Variants in FSTL1 observed in about 807,000 individuals in gnomAD.
The protein encoded by FSTL1 is follistatin like 1, also known as follistatin-related protein 1.
FSTL1 carries 24 observed loss-of-function variants against 45.9 expected under a neutral mutation model. The ratio of observed to expected loss-of-function variants is 0.52; its 90% CI spans 0.38 to 0.74. The LOEUF is 0.74. FSTL1 is among the 30% of genes least tolerant of loss of function. The pLI, the probability that FSTL1 is intolerant of heterozygous loss-of-function variation, is 0.00. For missense variants in FSTL1, 340 were observed against 381.8 expected (o/e 0.89, Z 0.91); for synonymous variants, 120 against 137.6 (o/e 0.87, Z 0.89).
intron 2 of FSTL1, chr3:120,423,633 T>C (rs1332664270): frequency 6.6e-6 from 1 of 152,076 alleles, no homozygotes; most frequent in Non-Finnish European, 1.5e-5. Context: ...GTTCTCATGG[T>C]CCACAGTGAC....
chr3:120,447,322 A>G (rs1937772022), intron 2 of FSTL1, among the ~76,000 whole-genome samples: 1 of 152,208 alleles, frequency 6.6e-6, no homozygotes, highest in Admixed American at 6.5e-5. Flanking sequence ...TAGAAAAGGG[A>G]TATCTGTGTA....
chr3:120,411,088 T>C (rs1265308269), intron 4 of FSTL1, 104 bp from the exon 5 acceptor site: 3 of 761,228 alleles, frequency 3.9e-6, no homozygotes, highest in African/African-American at 3.5e-5. Flanking sequence ...GGAATGTTTG[T>C]AACCTTTTCA....
At chr3:120,412,123 A>G in intron 3 of FSTL1, 140 bp from the exon 4 acceptor site, 1 of 825,526 alleles carries the variant, frequency 1.2e-6, no homozygotes, top group South Asian at 1.8e-5. Flanking sequence ...CTTCTACCCC[A>G]TCAGGGCACA....
intron 6 of FSTL1, among the ~76,000 whole-genome samples, chr3:120,407,586 G>T (rs552787241): frequency 3.6e-4 from 55 of 152,296 alleles, no homozygotes; most frequent in Admixed American, 3.5e-3. Flanking sequence ...AATGCCAGCT[G>T]GGCTGGGGAG....
rs1169515174 is a variant in FSTL1 at position 120,450,668 on chromosome 3, T to A, written c.63+16A>T. 1.5e-6 allele frequency: 2 copies of A among 1,334,228 alleles called. No individual in the cohort carries two copies. Among genetic ancestry groups the A allele is most frequent in the African/African-American group, 1.6e-5 (1 of 62,114 alleles). 82.6% of individuals were successfully genotyped at this position (1,334,228 alleles called of 1,614,324 possible). A position where few individuals can be genotyped will look rare whatever the true frequency, so the allele number is the denominator to read the frequency against. On this transcript the variant is annotated intron_variant, in intron 2 of 10. Transcript: ENST00000295633. Reference sequence around the variant, plus strand: ...GCCCCGGGGACCGAGTTCGGACTCCTCGGCCCCTCGCCTACCTCGGCGCGG... The same window carrying A: ...GCCCCGGGGACCGAGTTCGGACTCCACGGCCCCTCGCCTACCTCGGCGCGG...
At chr3:120,422,103 G>A (rs1231772943) in intron 2 of FSTL1, among the ~76,000 whole-genome samples, 3 of 152,082 alleles carry the variant, frequency 2.0e-5, no homozygotes, top group Non-Finnish European at 4.4e-5. Context: ...CTTATCTCAA[G>A]TAGACTCTAA....
intron 10 of FSTL1, among the ~76,000 whole-genome samples, chr3:120,398,946 G>A (rs536426400): frequency 1.3e-5 from 2 of 152,238 alleles, no homozygotes; most frequent in South Asian, 2.1e-4. Flanking sequence ...TTAAACAACC[G>A]ACATGAGATT....
intron 3 of FSTL1, among the ~76,000 whole-genome samples, chr3:120,415,464 T>C (rs1937171241): frequency 6.6e-6 from 1 of 152,234 alleles, no homozygotes; most frequent in African/African-American, 2.4e-5. Flanking sequence ...AAACTGTATA[T>C]ATCTATATCC....
Position 120,450,896 on chromosome 3 carries a change from C to A in FSTL1, c.-1+1G>T. On this transcript the variant is annotated splice_donor_variant, in intron 1 of 10. Transcript: ENST00000295633. LOFTEE classifies it low-confidence loss of function (5UTR_SPLICE). ...CTCCGCGCCGTGCGCCCTGCGCTCA[C>A]CGTGGTCTGGTCCAGGTCTCCTGGG... 1 of 546,044 alleles carries A rather than the reference C, an allele frequency of 1.8e-6. No homozygotes were observed. Among genetic ancestry groups the A allele is most frequent in the Non-Finnish European group, 3.1e-6 (1 of 318,090 alleles). The allele number at this position is 546,044 out of a possible 1,614,324, so 33.8% of individuals were successfully genotyped here.
Position 120,409,528 on chromosome 3 carries a change from T to G in FSTL1, c.462+4A>C. 6.2e-7 allele frequency: 1 copy of G among 1,613,596 alleles called. No homozygotes were observed. Among genetic ancestry groups the G allele is most frequent in the Non-Finnish European group, 8.5e-7 (1 of 1,179,530 alleles). On this transcript the variant is annotated splice_donor_region_variant and intron_variant, in intron 6 of 10. Transcript: ENST00000295633. ...GAATAGTCTTCCTCCTACCTCTGGATTACCTTAAAATACTTGTCTAGGATT... is the reference window on the plus strand; with the variant it reads ...GAATAGTCTTCCTCCTACCTCTGGAGTACCTTAAAATACTTGTCTAGGATT...
At chr3:120,422,714 A>AGATG (rs920711673) in intron 2 of FSTL1, among the ~76,000 whole-genome samples, 2 of 146,548 alleles carry the variant, frequency 1.4e-5, no homozygotes, top group African/African-American at 5.2e-5. Flanking sequence ...TTTTTTTTTG[A>AGATG]GATGGAGTCT....
At chr3:120,418,448 C>A (rs1937223795) in intron 2 of FSTL1, among the ~76,000 whole-genome samples, 1 of 152,196 alleles carries the variant, frequency 6.6e-6, no homozygotes, top group South Asian at 2.1e-4. Context: ...TCTTCAATAA[C>A]TCCTTAAGTT....
In FSTL1 at chr3:120,412,838, G is replaced by GCGCACACA. The variant is rs1429168694; in HGVS notation, c.169-856_169-855insTGTGTGCG. ...CACATGTGCGCGCGCGCGCGCGCGCGCACACACACACACACACACACACAC... is the reference window on the plus strand; with the variant it reads ...CACATGTGCGCGCGCGCGCGCGCGCGCGCACACACACACACACACACACACACACACAC... On this transcript the variant is annotated intron_variant, in intron 3 of 10. Coordinates refer to ENST00000295633, the MANE Select transcript of FSTL1 (RefSeq NM_007085.5). Among the ~76,000 whole-genome samples the GCGCACACA allele has an allele frequency of 6.6e-3, 705 of 106,030 alleles. 5 individuals carry two copies. Among genetic ancestry groups the GCGCACACA allele is most frequent in the East Asian group, 0.034 (110 of 3,268 alleles). The allele number at this position is 106,030 out of a possible 152,430, so 69.6% of individuals were successfully genotyped here.
At chr3:120,405,061 T>C in intron 6 of FSTL1, 90 bp from the exon 7 acceptor site, 1 of 765,606 alleles carries the variant, frequency 1.3e-6, no homozygotes, top group South Asian at 1.4e-5. Flanking sequence ...CTCTGATTCA[T>C]CTTGTTCTTG....
intron 6 of FSTL1, among the ~76,000 whole-genome samples, chr3:120,407,573 A>C (rs1255370358): frequency 6.6e-6 from 1 of 152,230 alleles, no homozygotes; most frequent in African/African-American, 2.4e-5. Flanking sequence ...TTTTGATGTA[A>C]GAAATGCCAG....
chr3:120,424,105 G>A (rs1411716070), intron 2 of FSTL1: 1 of 152,188 alleles, frequency 6.6e-6, no homozygotes, highest in African/African-American at 2.4e-5. Context: ...AAAAGAGAAC[G>A]GTCTGTAATG....
Position 120,450,917 on chromosome 3 carries a change from C to T in FSTL1, c.-21G>A, listed in dbSNP as rs1937885639. On this transcript the variant is annotated 5_prime_UTR_variant, in exon 1 of 11. Transcript: ENST00000295633. ...CTCACCGTGGTCTGGTCCAGGTCTC[C>T]TGGGGGCGCGGGGCAGGACGGCGGC... is the stretch of plus-strand genomic sequence containing the variant. 2.0e-6 allele frequency: 1 copy of T among 499,818 alleles called. No homozygotes were observed. Among genetic ancestry groups the T allele is most frequent in the Non-Finnish European group, 3.5e-6 (1 of 285,404 alleles). 31.0% of individuals were successfully genotyped at this position (499,818 alleles called of 1,614,324 possible).
chr3:120,423,940 T>C (rs1324321658), intron 2 of FSTL1: 1 of 151,950 alleles, frequency 6.6e-6, no homozygotes, highest in East Asian at 1.9e-4. Flanking sequence ...ATATGGTTCT[T>C]ATTTTCTCCT....
At chr3:120,422,745 A>G (rs1335561283) in intron 2 of FSTL1, among the ~76,000 whole-genome samples, 2 of 151,722 alleles carry the variant, frequency 1.3e-5, no homozygotes, top group African/African-American at 4.9e-5. Flanking sequence ...CCAAGGCTGG[A>G]GTGCAGTGGC....
Sources: allele counts gnomAD v4.1 joint callset (sites outside exome capture counted in the v4.1 genomes callset), GRCh38; gene constraint gnomAD v4.1.1; transcripts MANE v1.5; gene names NCBI Gene and HGNC (gene_info 2026-07-23, HGNC 2026-07-21).